CDH7: variants seen among roughly 807,000 people sequenced by gnomAD.
CDH7 encodes cadherin-7.
A neutral mutation model predicts 71.8 loss-of-function variants in CDH7; 25 were observed. That is an observed-to-expected ratio of 0.35 (90% CI 0.25 to 0.49). CDH7 has a LOEUF of 0.49. Among genes scored for constraint, CDH7 ranks in the 20% least tolerant of loss-of-function variants. The pLI, the probability that CDH7 is intolerant of heterozygous loss-of-function variation, is 0.99. For synonymous variants in CDH7, 381 were observed against 363.8 expected, an observed-to-expected ratio of 1.05 and a Z score of -0.54; for missense variants, 862 against 974.6, an observed-to-expected ratio of 0.88 and a Z score of 1.54.
chr18:65,883,987 C>T lies in CDH7; in HGVS notation c.*3093C>T, dbSNP rs1006936422. On this transcript the variant is annotated 3_prime_UTR_variant, in exon 12 of 12. Transcript: ENST00000397968. Reference sequence around the variant, plus strand: ...GGAAGTCAATATATTTAATTATTTTCCACTTGTCCATACAGGAGCATCAAT... The same window carrying T: ...GGAAGTCAATATATTTAATTATTTTTCACTTGTCCATACAGGAGCATCAAT... The T allele has an allele frequency of 4.6e-5, 7 of 152,010 alleles. No individual in the cohort carries two copies. The highest frequency in any genetic ancestry group is 1.7e-4 in the African/African-American group (7 of 41,392). 9.4% of individuals were successfully genotyped at this position (152,010 alleles called of 1,614,324 possible). A position where few individuals can be genotyped will look rare whatever the true frequency, so the allele number is the denominator to read the frequency against.
intron 1 of CDH7, among the ~76,000 whole-genome samples, chr18:65,761,382 T>A (rs1319881946): frequency 1.3e-5 from 2 of 151,770 alleles, no homozygotes; most frequent in African/African-American, 2.4e-5. Flanking sequence ...AATTTGACTA[T>A]CAAAAATATT....
intron 2 of CDH7, among the ~76,000 whole-genome samples, chr18:65,788,874 G>C (rs918049153): frequency 1.3e-5 from 2 of 152,164 alleles, no homozygotes; most frequent in Admixed American, 1.3e-4. Flanking sequence ...AGCTAACACA[G>C]TTTGCCTAGT....
In CDH7 at chr18:65,843,961, C is replaced by T. The variant is rs750448200; in HGVS notation, c.1131C>T (p.Phe377=). ...AAGATGTAGATGAGCCCCCTGTGTT[C>T]TCTTCACCCTTGTACCCTATGGAGG... ...IVEDVDEPPV[F]SSPLYPMEVS... is the part of the protein sequence containing the mutation. The change falls in exon 7 of 12, where the codon TTC becomes TTT. Residue 377 remains phenylalanine (F), a synonymous_variant. Transcript: ENST00000397968. 1.9e-6 allele frequency: 3 copies of T among 1,612,318 alleles called. No individual in the cohort carries two copies. In the South Asian group the frequency reaches 3.3e-5, roughly 18 times the overall value.
In CDH7 at chr18:65,882,694, C is replaced by A. The variant is rs991764547; in HGVS notation, c.*1800C>A. ...ATTGTTTTATGACTATATAGATATG[C>A]TTCTTGCTGTATTAATATGCATATA... On this transcript the variant is annotated 3_prime_UTR_variant, in exon 12 of 12. Transcript: ENST00000397968. 3 of 152,032 alleles carry A rather than the reference C, an allele frequency of 2.0e-5. No homozygotes were observed. Among genetic ancestry groups the A allele is most frequent in the Admixed American group, 1.3e-4 (2 of 15,262 alleles). The allele number at this position is 152,032 out of a possible 1,614,324, so 9.4% of individuals were successfully genotyped here. A position where few individuals can be genotyped will look rare whatever the true frequency, so the allele number is the denominator to read the frequency against.
intron 6 of CDH7, 141 bp from the exon 7 acceptor site, chr18:65,843,671 G>T: frequency 1.5e-6 from 1 of 668,896 alleles, no homozygotes; most frequent in African/African-American, 1.9e-5. Flanking sequence ...GATTGGCATT[G>T]TTATTTATTA....
chr18:65,786,288 TA>T (rs371589502), intron 2 of CDH7, among the ~76,000 whole-genome samples: 2 of 151,892 alleles, frequency 1.3e-5, no homozygotes, highest in Non-Finnish European at 2.9e-5. Flanking sequence ...TAACCAAGGG[TA>T]GATATGAGTT....
chr18:65,768,689 A>G (rs1307440586), intron 2 of CDH7, among the ~76,000 whole-genome samples: 2 of 152,186 alleles, frequency 1.3e-5, no homozygotes, highest in African/African-American at 2.4e-5. Context: ...TCACCAGGAT[A>G]AACGACAGAA....
rs1156696711 is a variant in CDH7, at chr18:65,880,977, A to G, written c.*83A>G. The G allele has an allele frequency of 7.5e-7, 1 of 1,333,098 alleles. No individual in the cohort carries two copies. The highest frequency in any genetic ancestry group is 1.0e-6 in the Non-Finnish European group (1 of 989,934). The allele number at this position is 1,333,098 out of a possible 1,614,324, so 82.6% of individuals were successfully genotyped here. Reference sequence around the variant, plus strand: ...AAATGAAATAAAATAATAAACCACTACATACAGAAAACAAGAACTCCCCTT... The same window carrying G: ...AAATGAAATAAAATAATAAACCACTGCATACAGAAAACAAGAACTCCCCTT... On this transcript the variant is annotated 3_prime_UTR_variant, in exon 12 of 12. Coordinates refer to ENST00000397968, the MANE Select transcript of CDH7 (RefSeq NM_004361.5).
At chr18:65,873,972 A>G (rs987222435) in intron 11 of CDH7, among the ~76,000 whole-genome samples, 1 of 152,188 alleles carries the variant, frequency 6.6e-6, no homozygotes, top group African/African-American at 2.4e-5. Flanking sequence ...CAGCAAGTCT[A>G]CATATTTCTA....
rs541390954 is a variant in CDH7, at chr18:65,857,577, A to G, written c.1236-239A>G. ...CATATTCAAAGCCATTGTGAAGATT[A>G]CTGTGGTGTTCATTTAGTACTGTCT... is the stretch of plus-strand genomic sequence containing the variant. On this transcript the variant is annotated intron_variant, in intron 7 of 11. Transcript: ENST00000397968. 3.9e-5 allele frequency among the ~76,000 whole-genome samples: 6 copies of G among 152,160 alleles called. No homozygotes were observed. In the South Asian group the frequency reaches 1.2e-3, roughly 32 times the overall value.
In CDH7 at chr18:65,857,823, A is replaced by G. The variant is rs148633728; in HGVS notation, c.1243A>G (p.Ile415Val). 10 of 1,612,850 alleles carry G rather than the reference A, an allele frequency of 6.2e-6. No individual in the cohort carries two copies. The highest frequency in any genetic ancestry group is 1.3e-5 in the African/African-American group (1 of 74,862). ...DSSNSPVRYSIDRNTDLERYF... is the reference protein window; with the variant it reads ...DSSNSPVRYSVDRNTDLERYF... ...TCTTCAATGTTCAATTAGGTACTCA[A>G]TTGACAGAAACACAGACTTGGAGAG... is the stretch of plus-strand genomic sequence containing the variant. Residue 415 changes from isoleucine to valine, a missense_variant, in exon 8 of 12, where the codon ATT (isoleucine) becomes GTT (valine). Transcript: ENST00000397968.
At chr18:65,848,398 A>G (rs925760688) in intron 7 of CDH7, among the ~76,000 whole-genome samples, 2 of 152,202 alleles carry the variant, frequency 1.3e-5, no homozygotes, top group African/African-American at 2.4e-5. Flanking sequence ...ATAAGAGCTC[A>G]TAAAAGTTAA....
chr18:65,775,245 G>A lies in CDH7; in HGVS notation c.210+12193G>A, dbSNP rs904879755. Among the ~76,000 whole-genome samples the A allele has an allele frequency of 2.0e-5, 3 of 152,258 alleles. No individual in the cohort carries two copies. In the South Asian group the frequency reaches 6.2e-4, roughly 32 times the overall value. The stretch of plus-strand genomic sequence containing the variant: ...GTTTAGCCTAGTAGTTTTCACTGTG[G>A]TGCTGGGTGTGGAAGATATGACTGT... On this transcript the variant is annotated intron_variant, in intron 2 of 11. Coordinates refer to ENST00000397968, the MANE Select transcript of CDH7 (RefSeq NM_004361.5).
At position 65,885,967 on chromosome 18, in the gene CDH7, T is replaced by C. The variant is rs1339450587; in HGVS notation, c.*5073T>C. 2.0e-5 allele frequency: 3 copies of C among 152,178 alleles called. No homozygotes were observed. Among genetic ancestry groups the C allele is most frequent in the Admixed American group, 6.5e-5 (1 of 15,280 alleles). 9.4% of individuals were successfully genotyped at this position (152,178 alleles called of 1,614,324 possible). ...ATTTAATCTCATTGTTAACAGAATA[T>C]AGAGTGTGAATTATTTGTTATTAAA... On this transcript the variant is annotated 3_prime_UTR_variant, in exon 12 of 12. Coordinates refer to ENST00000397968, the MANE Select transcript of CDH7 (RefSeq NM_004361.5).
upstream of CDH7, chr18:65,750,580 CGTGT>C (rs1036569345): frequency 6.6e-6 from 1 of 152,250 alleles, no homozygotes. Flanking sequence ...AGGGTGCGCG[CGTGT>C]GTGTGTGCGC....
At chr18:65,878,369 A>T (rs537221381) in intron 11 of CDH7, among the ~76,000 whole-genome samples, 1 of 152,284 alleles carries the variant, frequency 6.6e-6, no homozygotes, top group African/African-American at 2.4e-5. Flanking sequence ...TTATTATCAT[A>T]TATTGCTAAT....
intron 7 of CDH7, among the ~76,000 whole-genome samples, chr18:65,855,220 G>A (rs577196741): frequency 5.3e-5 from 8 of 151,276 alleles, no homozygotes; most frequent in Admixed American, 2.0e-4. Flanking sequence ...GCAAGGTGAA[G>A]AAATAAAACA....
chr18:65,858,952 A>G lies in CDH7; in HGVS notation c.1400A>G (p.Tyr467Cys). The G allele has an allele frequency of 6.2e-7, 1 of 1,611,550 alleles. No homozygotes were observed. The highest frequency in any genetic ancestry group is 2.2e-5 in the East Asian group (1 of 44,834). The change falls in exon 9 of 12, where the codon TAT becomes TGT. Residue 467 changes from tyrosine to cysteine, a missense_variant. Transcript: ENST00000397968. ...AATCCATCTCAAGTAGGAAGAGGCT[A>G]TGTGGCCATCACTATACTTGACATC... ...SQNPSQVGRG[Y>C]VAITILDIND...
At chr18:65,785,042 A>G (rs1438036391) in intron 2 of CDH7, among the ~76,000 whole-genome samples, 1 of 152,194 alleles carries the variant, frequency 6.6e-6, no homozygotes, top group East Asian at 1.9e-4. Flanking sequence ...CTGCAGTTCA[A>G]TTAATGACTT....
Sources: allele counts gnomAD v4.1 joint callset (sites outside exome capture counted in the v4.1 genomes callset), GRCh38; gene constraint gnomAD v4.1.1; transcripts MANE v1.5; gene names NCBI Gene and HGNC (gene_info 2026-07-23, HGNC 2026-07-21).